ARHGAP15: variants seen among roughly 807,000 people sequenced by gnomAD.
ARHGAP15 encodes Rho GTPase activating protein 15.
Under a neutral mutation model 63.7 loss-of-function variants are expected in ARHGAP15, and 51 were observed. The observed-to-expected ratio is 0.80, with a 90% CI of 0.64 to 1.01. The LOEUF (loss-of-function observed/expected upper bound fraction) is 1.01, where lower values mean the gene tolerates loss of function less well. Among genes scored for constraint, ARHGAP15 ranks in the 50% least tolerant of loss-of-function variants. The probability of loss-of-function intolerance (pLI) is 0.00; values close to 1 mark genes in which losing one functional copy is unlikely to be tolerated. For missense variants in ARHGAP15, 560 were observed against 564.6 expected (o/e 0.99, Z 0.08); for synonymous variants, 191 against 193.8 (o/e 0.99, Z 0.12).
At chr2:143,287,826 A>G (rs1290839200) in intron 6 of ARHGAP15, among the ~76,000 whole-genome samples, 1 of 152,150 alleles carries the variant, frequency 6.6e-6, no homozygotes, top group African/African-American at 2.4e-5. Context: ...AGAAAAAAAG[A>G]AATGTCTGAG....
At chr2:143,744,849 T>C (rs1177795058) in intron 13 of ARHGAP15, among the ~76,000 whole-genome samples, 1 of 152,142 alleles carries the variant, frequency 6.6e-6, no homozygotes, top group African/African-American at 2.4e-5. Flanking sequence ...AGGGAGAAAA[T>C]GTACATCCGT....
chr2:143,559,573 C>G (rs2105093585), intron 11 of ARHGAP15, among the ~76,000 whole-genome samples: 1 of 152,218 alleles, frequency 6.6e-6, no homozygotes, highest in Admixed American at 6.5e-5. Context: ...ATGCATATAC[C>G]AACCCCTTTC....
chr2:143,467,952 T>C (rs999108944), intron 8 of ARHGAP15, among the ~76,000 whole-genome samples: 8 of 152,128 alleles, frequency 5.3e-5, no homozygotes, highest in African/African-American at 1.9e-4. Flanking sequence ...TACCACTTTA[T>C]TGTTGTAAAT....
At chr2:143,551,628 T>A (rs1430849054) in intron 10 of ARHGAP15, among the ~76,000 whole-genome samples, 1 of 152,158 alleles carries the variant, frequency 6.6e-6, no homozygotes, top group Non-Finnish European at 1.5e-5. Flanking sequence ...TTTTATGAAG[T>A]CATATAGTTA....
intron 8 of ARHGAP15, among the ~76,000 whole-genome samples, chr2:143,450,099 A>G (rs1690340100): frequency 7.6e-6 from 1 of 131,508 alleles, no homozygotes; most frequent in Non-Finnish European, 1.6e-5. Context: ...TTTCATAATT[A>G]ATCTTTTTTT....
chr2:143,309,865 C>CT (rs1683355502), intron 6 of ARHGAP15, among the ~76,000 whole-genome samples: 3 of 102,378 alleles, frequency 2.9e-5, no homozygotes, highest in African/African-American at 6.8e-5. Flanking sequence ...CATATATGAA[C>CT]TTGTGTGTGT....
intron 6 of ARHGAP15, among the ~76,000 whole-genome samples, chr2:143,330,136 A>T (rs1574286235): frequency 7.6e-6 from 1 of 132,342 alleles, no homozygotes; most frequent in South Asian, 2.5e-4. Context: ...AAAAAACCAA[A>T]AACAAAAAAC....
chr2:143,664,722 T>A (rs921500386), intron 12 of ARHGAP15, among the ~76,000 whole-genome samples: 1 of 152,006 alleles, frequency 6.6e-6, no homozygotes, highest in Admixed American at 6.5e-5. Flanking sequence ...ACAATAAAAA[T>A]GATAAAGGGG....
At chr2:143,303,395 T>C (rs544556858) in intron 6 of ARHGAP15, among the ~76,000 whole-genome samples, 17 of 151,576 alleles carry the variant, frequency 1.1e-4, no homozygotes, top group Admixed American at 6.6e-4. Flanking sequence ...CCAAAAAATA[T>C]ATGAAACTGG....
intron 6 of ARHGAP15, among the ~76,000 whole-genome samples, chr2:143,311,100 A>G (rs908092324): frequency 6.6e-6 from 1 of 152,024 alleles, no homozygotes; most frequent in African/African-American, 2.4e-5. Context: ...AGAATTTGGT[A>G]CATTTACTGT....
At position 143,240,959 on chromosome 2, in the gene ARHGAP15, A is replaced by G. The variant is rs547946620; in HGVS notation, c.385-9552A>G. ...ATGAAATTGACAGGATTCTTTACAA[A>G]TGGATCAGAGCTTACTGTCCCTCAA... On this transcript the variant is annotated intron_variant, in intron 5 of 13. Coordinates refer to ENST00000295095, the MANE Select transcript of ARHGAP15 (RefSeq NM_018460.4). Among the ~76,000 whole-genome samples the G allele has an allele frequency of 3.3e-5, 5 of 152,270 alleles. No homozygotes were observed. In the East Asian group the frequency reaches 9.6e-4, roughly 29 times the overall value.
At chr2:143,451,055 T>C (rs1690382924) in intron 8 of ARHGAP15, among the ~76,000 whole-genome samples, 1 of 151,986 alleles carries the variant, frequency 6.6e-6, no homozygotes, top group African/African-American at 2.4e-5. Context: ...AGATTTGTAG[T>C]ATTTGTTTTG....
At chr2:143,236,048 G>A in intron 5 of ARHGAP15, 2 of 1,495,402 alleles carry the variant, frequency 1.3e-6, no homozygotes, top group Non-Finnish European at 1.8e-6. Flanking sequence ...TTGCATCATA[G>A]AGAAGAAGCT....
intron 11 of ARHGAP15, chr2:143,607,014 T>G (rs937320245): frequency 6.6e-6 from 1 of 152,252 alleles, no homozygotes; most frequent in Admixed American, 6.5e-5. Flanking sequence ...CGTATCTACA[T>G]AAGCCATGAT....
intron 8 of ARHGAP15, among the ~76,000 whole-genome samples, chr2:143,441,403 C>A (rs1689875572): frequency 6.6e-6 from 1 of 152,098 alleles, no homozygotes; most frequent in African/African-American, 2.4e-5. Flanking sequence ...TTCTCCTAAA[C>A]CCAGAAAAGC....
chr2:143,408,811 G>A (rs1290727830), intron 6 of ARHGAP15, among the ~76,000 whole-genome samples: 2 of 151,758 alleles, frequency 1.3e-5, no homozygotes, highest in Non-Finnish European at 2.9e-5. Context: ...TCAAACTTCA[G>A]TATAATTAAA....
chr2:143,685,215 T>TCAA (rs1683278627), intron 12 of ARHGAP15, among the ~76,000 whole-genome samples: 1 of 152,080 alleles, frequency 6.6e-6, no homozygotes, highest in Non-Finnish European at 1.5e-5. Flanking sequence ...GCCTAACACA[T>TCAA]CAACATTGAA....
At chr2:143,562,542 GT>G (rs1473955164) in intron 11 of ARHGAP15, among the ~76,000 whole-genome samples, 1 of 152,134 alleles carries the variant, frequency 6.6e-6, no homozygotes, top group Non-Finnish European at 1.5e-5. Flanking sequence ...CCACAGGGTG[GT>G]TTTTTGGTAA....
intron 8 of ARHGAP15, among the ~76,000 whole-genome samples, chr2:143,442,456 G>A (rs577545929): frequency 2.6e-5 from 4 of 152,088 alleles, no homozygotes; most frequent in Non-Finnish European, 5.9e-5. Flanking sequence ...CCACCAAAGC[G>A]ATTAGGAGAC....
Sources: gnomAD v4.1 joint callset for allele counts (sites outside exome capture counted in the v4.1 genomes callset) on GRCh38, gnomAD v4.1.1 for gene constraint, MANE v1.5 for transcripts, NCBI Gene and HGNC (gene_info 2026-07-23, HGNC 2026-07-21) for gene names.